Variants in TFAP2A observed in about 807,000 individuals in gnomAD.
The protein encoded by TFAP2A is transcription factor AP-2 alpha.
Under a neutral mutation model 41.5 loss-of-function variants are expected in TFAP2A, and 7 were observed. The observed-to-expected ratio is 0.17, with a 90% CI of 0.10 to 0.32. TFAP2A has a LOEUF of 0.32. TFAP2A is among the 10% of genes least tolerant of loss of function. The probability of loss-of-function intolerance (pLI) is 1.00; values close to 1 mark genes in which losing one functional copy is unlikely to be tolerated. For missense variants in TFAP2A, 416 were observed against 563.3 expected (o/e 0.74, Z 2.65); for synonymous variants, 247 against 242.8 (o/e 1.02, Z -0.16).
At chr6:10,400,868 T>C (rs1761981743) in intron 5 of TFAP2A, 2 of 613,324 alleles carry the variant, frequency 3.3e-6, no homozygotes, top group Non-Finnish European at 6.1e-6. Context: ...TAAATGACAC[T>C]TCTCCAAATT....
rs1581269470 is a variant in TFAP2A at position 10,410,137 on chromosome 6, G to A, written c.250C>T (p.Leu84=). 6.2e-7 allele frequency: 1 copy of A among 1,612,100 alleles called. No individual in the cohort carries two copies. The highest frequency in any genetic ancestry group is 2.2e-5 in the East Asian group (1 of 44,824). ...PYSHVNDPYS[L]NPLHAQPQPQ... ...TGCGGCTGGGCGTGCAGGGGGTTCA[G>A]GCTGTAGGGGTCGTTGACGTGGGAG... Residue 84 remains leucine, a synonymous_variant, in exon 2 of 7, where the codon CTG becomes TTG. Coordinates refer to ENST00000379613, the MANE Select transcript of TFAP2A (RefSeq NM_001372066.1).
chr6:10,399,302 C>G (rs1482869017), intron 6 of TFAP2A, among the ~76,000 whole-genome samples: 1 of 152,222 alleles, frequency 6.6e-6, no homozygotes, highest in Non-Finnish European at 1.5e-5. Context: ...CGGGCCCACA[C>G]AAGCCCTGTT....
intron 4 of TFAP2A, among the ~76,000 whole-genome samples, 194 bp downstream of exon 4, chr6:10,404,314 G>C (rs762548570): frequency 6.6e-6 from 1 of 152,206 alleles, no homozygotes; most frequent in African/African-American, 2.4e-5. Flanking sequence ...GCGCAGGCGC[G>C]CGCCGCATCG....
chr6:10,407,885 A>G (rs1581266814), intron 2 of TFAP2A: 2 of 152,212 alleles, frequency 1.3e-5, no homozygotes, highest in South Asian at 2.1e-4. Flanking sequence ...TAACTTGCCT[A>G]AAGTGCTTCT....
At chr6:10,419,067 C>G (rs571469778), upstream of TFAP2A, among the ~76,000 whole-genome samples, 23 of 152,252 alleles carry the variant, frequency 1.5e-4, 1 homozygote, top group African/African-American at 5.5e-4. Flanking sequence ...TCCCCCCTTC[C>G]GAATTAGTCA....
chr6:10,414,681 G>C (rs1758167883), intron 1 of TFAP2A: 1 of 606,762 alleles, frequency 1.6e-6, no homozygotes. Flanking sequence ...CCATTCTTAG[G>C]CACAGCCAAA....
At chr6:10,409,617 G>T (rs1002045192) in intron 2 of TFAP2A, 1 of 454,094 alleles carries the variant, frequency 2.2e-6, no homozygotes, top group Admixed American at 3.8e-5. Context: ...TCGAGAGGAA[G>T]ATATTGTTAA....
upstream of TFAP2A, chr6:10,419,309 G>T: frequency 7.4e-7 from 1 of 1,344,244 alleles, no homozygotes; most frequent in South Asian, 1.2e-5. Context: ...CCTCACCTAC[G>T]ACTCCCCTGC....
chr6:10,412,179 G>A (rs528943997), intron 1 of TFAP2A: 2 of 987,634 alleles, frequency 2.0e-6, no homozygotes, highest in Non-Finnish European at 2.4e-6. Context: ...AGTGGGGAGA[G>A]GGAGCGCGAG....
chr6:10,398,626 C>G lies in TFAP2A; in HGVS notation c.1111G>C (p.Glu371Gln), dbSNP rs1188838299. ...LGNSRPNPIL[E>Q]PGIQSCLTHF... ...GTCAAGCAGCTCTGGATGCCGGGCT[C>G]CAGGATGGGGTTGGGCCGTGAGTTC... The change falls in exon 7 of 7, where the codon GAG becomes CAG. Residue 371 changes from glutamate (E) to glutamine (Q), a missense_variant. Physicochemically the swap from Glu to Gln is conservative, Grantham distance 29. Around this residue, in one of 3 missense-constraint regions of TFAP2A, gnomAD observed 116 missense variants for 153.8 expected, o/e 0.75. Coordinates refer to ENST00000379613, the MANE Select transcript of TFAP2A (RefSeq NM_001372066.1). This position sits in a 1 kb window ranked among gnomAD's most constrained non-coding sequence, Gnocchi z 5.3. The G allele has an allele frequency of 6.2e-7, 1 of 1,614,064 alleles. No individual in the cohort carries two copies. The highest frequency in any genetic ancestry group is 1.3e-5 in the African/African-American group (1 of 74,910).
chr6:10,419,510 G>A (rs1758357255), upstream of TFAP2A: 1 of 1,608,114 alleles, frequency 6.2e-7, no homozygotes, highest in South Asian at 1.1e-5. Context: ...GGCTCGGTCG[G>A]GCCAGCTCCC....
chr6:10,411,165 G>C (rs976306302), intron 1 of TFAP2A: 1 of 196,400 alleles, frequency 5.1e-6, no homozygotes, highest in African/African-American at 2.3e-5. Flanking sequence ...CAGAGACCGC[G>C]AACCCTCGGC....
chr6:10,398,433 T>C lies in TFAP2A; in HGVS notation c.1304A>G (p.Glu435Gly). 1.2e-6 allele frequency: 2 copies of C among 1,614,156 alleles called. No individual in the cohort carries two copies. Among genetic ancestry groups the C allele is most frequent in the Non-Finnish European group, 1.7e-6 (2 of 1,179,996 alleles). ...DNNAKSSDKEEKHRK is the reference protein window; with the variant it reads ...DNNAKSSDKEGKHRK ...AGGAGAGCCTCACTTTCTGTGCTTC[T>C]CCTCTTTGTCACTGCTTTTGGCGTT... is the stretch of plus-strand genomic sequence containing the variant. Residue 435 changes from glutamate to glycine, a missense_variant, in exon 7 of 7, where the codon GAG (glutamate) becomes GGG (glycine). By Grantham distance (98) the Glu-to-Gly change is moderately conservative. Around this residue, in one of 3 missense-constraint regions of TFAP2A, gnomAD observed 116 missense variants for 153.8 expected, o/e 0.75. Transcript: ENST00000379613. This position sits in a 1 kb window ranked among gnomAD's most constrained non-coding sequence, Gnocchi z 5.3.
At chr6:10,400,366 G>A (rs1208557234) in intron 6 of TFAP2A, 82 bp downstream of exon 6, 2 of 1,558,752 alleles carry the variant, frequency 1.3e-6, no homozygotes, top group African/African-American at 1.4e-5. Flanking sequence ...GAAAACAAGG[G>A]AGAAGGAAGA....
At chr6:10,413,627 A>G (rs765464687) in intron 1 of TFAP2A, among the ~76,000 whole-genome samples, 5 of 152,212 alleles carry the variant, frequency 3.3e-5, no homozygotes, top group Non-Finnish European at 7.3e-5. Context: ...CTAGCGCGAC[A>G]GGACCCCCCC....
At chr6:10,407,388 C>T (rs1205733635) in intron 2 of TFAP2A, 1 of 153,290 alleles carries the variant, frequency 6.5e-6, no homozygotes, top group Non-Finnish European at 1.5e-5. Context: ...CTGCCTAAGC[C>T]TGGGTATGAT....
upstream of TFAP2A, among the ~76,000 whole-genome samples, chr6:10,419,062 C>T (rs550353417): frequency 6.6e-6 from 1 of 152,194 alleles, no homozygotes; most frequent in Non-Finnish European, 1.5e-5. Context: ...CTCCCTCCCC[C>T]CTTCCGAATT....
chr6:10,419,654 C>T, upstream of TFAP2A: 1 of 650,010 alleles, frequency 1.5e-6, no homozygotes, highest in South Asian at 1.8e-5. Flanking sequence ...AGTCCCAGCG[C>T]CGCACAGAGC....
chr6:10,406,965 C>T lies in TFAP2A; in HGVS notation c.487-121G>A, dbSNP rs1177935054. 4.9e-6 allele frequency: 4 copies of T among 816,466 alleles called. No individual in the cohort carries two copies. In the Admixed American group the frequency reaches 7.1e-5, roughly 14 times the overall value. The allele number at this position is 816,466 out of a possible 1,614,324, so 50.6% of individuals were successfully genotyped here. Reference sequence around the variant, plus strand: ...CAAAATTCCCCCTCCCGTATAATGACATTTATATATAAACATCTCATCTTG... The same window carrying T: ...CAAAATTCCCCCTCCCGTATAATGATATTTATATATAAACATCTCATCTTG... On this transcript the variant is annotated intron_variant, in intron 2 of 6. Coordinates refer to ENST00000379613, the MANE Select transcript of TFAP2A (RefSeq NM_001372066.1).
Sources: gnomAD v4.1 joint callset for allele counts (sites outside exome capture counted in the v4.1 genomes callset) on GRCh38, gnomAD v4.1.1 for gene constraint, gnomAD v4.1.1 regional missense constraint, Gnocchi (gnomAD v3.1) non-coding constraint, MANE v1.5 for transcripts, NCBI Gene and HGNC (gene_info 2026-07-23, HGNC 2026-07-21) for gene names.